PDE10A: variants seen among roughly 807,000 people sequenced by gnomAD.
PDE10A encodes the protein phosphodiesterase 10A.
PDE10A carries 39 observed loss-of-function variants against 97.7 expected under a neutral mutation model. The ratio of observed to expected loss-of-function variants is 0.40; its 90% CI spans 0.31 to 0.52. The LOEUF is 0.52. Among genes scored for constraint, PDE10A ranks in the 20% least tolerant of loss-of-function variants. The pLI is 0.56. For missense variants in PDE10A, 731 were observed against 1,047.8 expected (o/e 0.70, Z 4.17); for synonymous variants, 371 against 376.8 (o/e 0.98, Z 0.18).
At chr6:165,941,998 C>T (rs865991141) in intron 1 of PDE10A, among the ~76,000 whole-genome samples, 35 of 152,192 alleles carry the variant, frequency 2.3e-4, no homozygotes, top group Admixed American at 8.5e-4. Flanking sequence ...CTTCAGTCAT[C>T]GTTCCTATCC....
At chr6:165,720,331 A>G (rs1244645973) in intron 1 of PDE10A, among the ~76,000 whole-genome samples, 2 of 152,088 alleles carry the variant, frequency 1.3e-5, no homozygotes, top group Non-Finnish European at 2.9e-5. Flanking sequence ...TATCAGAGTC[A>G]CTGATAGTTT....
At chr6:165,674,009 G>T (rs1002426629) in intron 1 of PDE10A, among the ~76,000 whole-genome samples, 34 of 152,140 alleles carry the variant, frequency 2.2e-4, no homozygotes, top group African/African-American at 8.2e-4. Flanking sequence ...CGTGTCCATA[G>T]ATATGATCGA....
At chr6:165,576,229 TA>T (rs1373640155) in intron 1 of PDE10A, among the ~76,000 whole-genome samples, 2 of 152,162 alleles carry the variant, frequency 1.3e-5, no homozygotes, top group African/African-American at 4.8e-5. Flanking sequence ...AATGATACTG[TA>T]GGGGGCTTGA....
intron 1 of PDE10A, among the ~76,000 whole-genome samples, chr6:165,546,724 G>A (rs1461587956): frequency 6.6e-6 from 1 of 152,076 alleles, no homozygotes; most frequent in African/African-American, 2.4e-5. Flanking sequence ...TTTCTCAATG[G>A]TAGAGTGAGA....
chr6:165,687,090 G>A (rs1282647998), intron 1 of PDE10A, among the ~76,000 whole-genome samples: 1 of 152,230 alleles, frequency 6.6e-6, no homozygotes, highest in Admixed American at 6.5e-5. Flanking sequence ...GAAAACAACT[G>A]AGAGCATGGC....
chr6:165,953,296 A>G (rs1181904279), intron 1 of PDE10A, among the ~76,000 whole-genome samples: 1 of 152,190 alleles, frequency 6.6e-6, no homozygotes, highest in Non-Finnish European at 1.5e-5. Context: ...TTTAATATTT[A>G]TTATAAAAAT....
chr6:165,765,898 G>A (rs1777836265), intron 1 of PDE10A, among the ~76,000 whole-genome samples: 1 of 152,232 alleles, frequency 6.6e-6, no homozygotes, highest in African/African-American at 2.4e-5. Flanking sequence ...ATATTCCATC[G>A]CAATTACTTT....
intron 1 of PDE10A, among the ~76,000 whole-genome samples, chr6:165,805,495 A>G (rs906408433): frequency 6.6e-6 from 1 of 152,170 alleles, no homozygotes; most frequent in Non-Finnish European, 1.5e-5. Context: ...GCCACGGGCC[A>G]GATGTCCCTT....
At chr6:165,381,505 C>T (rs1583162018) in intron 17 of PDE10A, among the ~76,000 whole-genome samples, 2 of 152,058 alleles carry the variant, frequency 1.3e-5, no homozygotes, top group Admixed American at 6.6e-5. Context: ...GACAGAGTCT[C>T]GCTCTGTCAC....
intron 1 of PDE10A, chr6:165,948,500 A>G (rs989869148): frequency 1.3e-5 from 2 of 152,246 alleles, no homozygotes; most frequent in African/African-American, 4.8e-5. Flanking sequence ...GACCTCATGG[A>G]GTGCTCTGCA....
At chr6:165,381,873 G>C (rs112802202) in intron 17 of PDE10A, among the ~76,000 whole-genome samples, 196 of 152,198 alleles carry the variant, frequency 1.3e-3, no homozygotes, top group Middle Eastern at 6.8e-3. Context: ...AAGCATAGCA[G>C]ACAAACAGTA....
intron 1 of PDE10A, chr6:165,986,500 C>CCTCTCTCTCTCT (rs1353099002): frequency 1.2e-4 from 16 of 130,434 alleles, no homozygotes; most frequent in African/African-American, 5.0e-4. Context: ...TGGTGTTGCG[C>CCTCTCTCTCTCT]CTCTCTCTCT....
At chr6:165,948,093 A>G (rs1057265692) in intron 1 of PDE10A, 6 of 152,052 alleles carry the variant, frequency 3.9e-5, no homozygotes, top group Non-Finnish European at 7.4e-5. Context: ...ATATATACAC[A>G]TACATATATA....
At chr6:165,641,542 C>T (rs1214144825) in intron 1 of PDE10A, among the ~76,000 whole-genome samples, 5 of 110,916 alleles carry the variant, frequency 4.5e-5, no homozygotes, top group Non-Finnish European at 1.1e-4. Flanking sequence ...AATGCTGGCT[C>T]TCAGAGGCAG....
In PDE10A at chr6:165,746,656, G is replaced by A. The variant is rs866445923; in HGVS notation, c.-614-203088C>T. Among the ~76,000 whole-genome samples the A allele has an allele frequency of 1.6e-4, 24 of 152,232 alleles. No homozygotes were observed. The South Asian group carries it at 1.7e-3, about 10-fold the overall frequency. On this transcript the variant is annotated intron_variant, in intron 1 of 19. Transcript: ENST00000366882. ...CAGGGAAGAGCAGAACAGGCAAGAA[G>A]AGCAGAGGGCCTCAGAGTAGCCATG...
chr6:165,609,675 T>C (rs1429089072), intron 1 of PDE10A, among the ~76,000 whole-genome samples: 2 of 152,112 alleles, frequency 1.3e-5, no homozygotes. Context: ...GAATACAAAA[T>C]CGATGTGCAA....
At chr6:165,492,542 A>G (rs2128288652) in intron 2 of PDE10A, among the ~76,000 whole-genome samples, 1 of 152,350 alleles carries the variant, frequency 6.6e-6, no homozygotes, top group African/African-American at 2.4e-5. Flanking sequence ...TAACATTCAC[A>G]AGTCAATAAA....
At chr6:165,975,577 C>T (rs1784823346) in intron 1 of PDE10A, among the ~76,000 whole-genome samples, 1 of 152,134 alleles carries the variant, frequency 6.6e-6, no homozygotes, top group African/African-American at 2.4e-5. Context: ...AAGAAGTTTC[C>T]AACTTTAATG....
chr6:165,691,105 C>CTTTCT (rs1383058179), intron 1 of PDE10A, among the ~76,000 whole-genome samples: 1 of 33,930 alleles, frequency 2.9e-5, no homozygotes, highest in African/African-American at 9.1e-5. Context: ...CTCTTTCTCT[C>CTTTCT]TCCCCCCCCC....
Sources: gnomAD v4.1 joint callset for allele counts (sites outside exome capture counted in the v4.1 genomes callset) on GRCh38, gnomAD v4.1.1 for gene constraint, MANE v1.5 for transcripts, NCBI Gene and HGNC (gene_info 2026-07-23, HGNC 2026-07-21) for gene names.